Variants in IL1RAPL2 observed in about 807,000 individuals in gnomAD.
IL1RAPL2 encodes the protein X-linked interleukin-1 receptor accessory protein-like 2.
Under a neutral mutation model 44.1 loss-of-function variants are expected in IL1RAPL2, and 3 were observed. The observed-to-expected ratio is 0.07, with a 90% CI of 0.03 to 0.18. IL1RAPL2 has a LOEUF of 0.18. Among genes scored for constraint, IL1RAPL2 ranks in the 10% least tolerant of loss-of-function variants. The pLI is 1.00. For synonymous variants in IL1RAPL2, 181 were observed against 178.8 expected, an observed-to-expected ratio of 1.01 and a Z score of -0.10; for missense variants, 391 against 496.4, an observed-to-expected ratio of 0.79 and a Z score of 2.02.
chrX:105,151,430 TAGAG>T (rs1413375325), intron 2 of IL1RAPL2, among the ~76,000 whole-genome samples: 2 of 109,890 alleles, frequency 1.8e-5, no homozygotes, highest in Non-Finnish European at 3.8e-5. Flanking sequence ...AAAAGGGAGG[TAGAG>T]AGAGAGAAAG....
intron 6 of IL1RAPL2, among the ~76,000 whole-genome samples, chrX:105,604,520 C>CAA (rs199539147): frequency 9.9e-6 from 1 of 100,853 alleles, no homozygotes. Context: ...AGAAGTATGC[C>CAA]AAAAAAAAAA....
intron 2 of IL1RAPL2, among the ~76,000 whole-genome samples, chrX:104,736,424 A>G (rs1024748434): frequency 2.7e-5 from 3 of 111,870 alleles, no homozygotes; most frequent in African/African-American, 9.7e-5. Flanking sequence ...ACTGTTTTAA[A>G]CATCACAAAC....
intron 6 of IL1RAPL2, among the ~76,000 whole-genome samples, chrX:105,521,101 A>AT (rs560910539): frequency 0.019 from 1,704 of 90,679 alleles, 35 homozygotes; most frequent in African/African-American, 0.052. Flanking sequence ...AGCCCGGCTA[A>AT]TTTTTTTTTT....
At chrX:104,792,043 C>T (rs1932828916) in intron 2 of IL1RAPL2, among the ~76,000 whole-genome samples, 1 of 110,925 alleles carries the variant, frequency 9.0e-6, no homozygotes, top group Non-Finnish European at 1.9e-5. Flanking sequence ...ATTAGGAAGG[C>T]CCCTATGGTC....
At chrX:105,118,557 C>T (rs2032885893) in intron 2 of IL1RAPL2, among the ~76,000 whole-genome samples, 1 of 112,057 alleles carries the variant, frequency 8.9e-6, no homozygotes, top group African/African-American at 3.2e-5. Context: ...GTTACTTCAG[C>T]TCTATGGGTA....
Position 104,815,894 on chromosome X carries a change from G to A in IL1RAPL2, c.82+156899G>A, listed in dbSNP as rs780344041. On this transcript the variant is annotated intron_variant, in intron 2 of 10. Transcript: ENST00000372582. ...CTTTGTTCCTCTGCTGACATCATAC[G>A]TGTTTTTGATAATTTAATAAAATAC... Among the ~76,000 whole-genome samples the A allele has an allele frequency of 1.4e-3, 148 of 103,045 alleles. 2 individuals carry two copies. Among genetic ancestry groups the A allele is most frequent in the African/African-American group, 4.7e-3 (131 of 27,927 alleles). The allele number at this position is 103,045 out of a possible 115,157, so 89.5% of individuals were successfully genotyped here.
At chrX:104,592,145 A>ATATG (rs1361322909) in intron 1 of IL1RAPL2, among the ~76,000 whole-genome samples, 1 of 60,216 alleles carries the variant, frequency 1.7e-5, no homozygotes, top group Non-Finnish European at 3.1e-5. Context: ...ATGCCCGTAT[A>ATATG]TGTGTGTGTG....
chrX:105,706,261 A>G, intron 6 of IL1RAPL2, among the ~76,000 whole-genome samples: 1 of 111,825 alleles, frequency 8.9e-6, no homozygotes, highest in East Asian at 2.8e-4. Flanking sequence ...AGCAATTCTT[A>G]TTGCTTAACA....
At chrX:104,652,849 C>G (rs1193923075) in intron 1 of IL1RAPL2, among the ~76,000 whole-genome samples, 1 of 111,312 alleles carries the variant, frequency 9.0e-6, no homozygotes, top group Non-Finnish European at 1.9e-5. Flanking sequence ...AAATGCTTCT[C>G]TTCCTTTTTC....
At chrX:105,522,300 A>G (rs2036565031) in intron 6 of IL1RAPL2, among the ~76,000 whole-genome samples, 1 of 112,504 alleles carries the variant, frequency 8.9e-6, no homozygotes. Flanking sequence ...CACAGCTAAG[A>G]AAAAAATCAC....
At chrX:104,800,404 A>G (rs755458345) in intron 2 of IL1RAPL2, among the ~76,000 whole-genome samples, 9 of 111,685 alleles carry the variant, frequency 8.1e-5, no homozygotes, top group Non-Finnish European at 1.7e-4. Context: ...TATGTTAGTG[A>G]TTGCAAACCT....
At chrX:104,855,572 A>T (rs559089766) in intron 2 of IL1RAPL2, among the ~76,000 whole-genome samples, 3 of 110,439 alleles carry the variant, frequency 2.7e-5, no homozygotes, top group African/African-American at 6.6e-5. Flanking sequence ...TGAGTATACA[A>T]TTAACAGCAC....
intron 1 of IL1RAPL2, among the ~76,000 whole-genome samples, chrX:104,632,950 C>G (rs1355216768): frequency 9.0e-6 from 1 of 111,485 alleles, no homozygotes; most frequent in African/African-American, 3.3e-5. Flanking sequence ...CAGTTTTTGC[C>G]CATTCGGTAT....
At chrX:104,908,477 G>A (rs1483158332) in intron 2 of IL1RAPL2, among the ~76,000 whole-genome samples, 1 of 111,038 alleles carries the variant, frequency 9.0e-6, no homozygotes, top group Non-Finnish European at 1.9e-5. Context: ...CTTCCTTCAG[G>A]AGCTCTTTTA....
intron 6 of IL1RAPL2, among the ~76,000 whole-genome samples, chrX:105,599,338 C>A (rs1005902941): frequency 9.0e-6 from 1 of 111,343 alleles, no homozygotes; most frequent in African/African-American, 3.3e-5. Context: ...TGAAACAAAA[C>A]AAAATTAAAT....
chrX:105,119,475 A>G (rs1196864578), intron 2 of IL1RAPL2, among the ~76,000 whole-genome samples: 3 of 111,155 alleles, frequency 2.7e-5, no homozygotes, highest in Admixed American at 1.9e-4. Context: ...ATTCTACAAA[A>G]TGGCTTCCTC....
chrX:105,566,048 G>C (rs1035618263), intron 6 of IL1RAPL2, among the ~76,000 whole-genome samples: 1 of 111,165 alleles, frequency 9.0e-6, no homozygotes, highest in Non-Finnish European at 1.9e-5. Flanking sequence ...AGGGGATGGA[G>C]GGAGGGGGAG....
chrX:105,057,786 A>T (rs761873533), intron 2 of IL1RAPL2, among the ~76,000 whole-genome samples: 35 of 107,199 alleles, frequency 3.3e-4, no homozygotes, highest in African/African-American at 1.1e-3. Flanking sequence ...ATTTTTTTTT[A>T]ATTTATTTAT....
At chrX:104,586,058 C>T (rs1321097243) in intron 1 of IL1RAPL2, among the ~76,000 whole-genome samples, 2 of 111,951 alleles carry the variant, frequency 1.8e-5, no homozygotes, top group African/African-American at 6.5e-5. Context: ...TACACTACCA[C>T]CAACAGTGTA....
Sources: allele counts gnomAD v4.1 joint callset (sites outside exome capture counted in the v4.1 genomes callset), GRCh38; gene constraint gnomAD v4.1.1; transcripts MANE v1.5; gene names NCBI Gene and HGNC (gene_info 2026-07-23, HGNC 2026-07-21).